Variants in RGS21 observed in about 807,000 individuals in gnomAD.
RGS21 encodes the protein regulator of G protein signaling 21.
Under a neutral mutation model 18.7 loss-of-function variants are expected in RGS21, and 19 were observed. That is an observed-to-expected ratio of 1.01 (90% CI 0.71 to 1.49). The LOEUF (loss-of-function observed/expected upper bound fraction) is 1.49. Ranked by LOEUF, RGS21 falls within the 40% of genes most tolerant of loss-of-function variation. RGS21 has a pLI of 0.00. For missense variants in RGS21, 194 were observed against 176.8 expected (o/e 1.10, Z -0.55); for synonymous variants, 56 against 57.8 (o/e 0.97, Z 0.14).
rs747266559 is a variant in RGS21 at position 192,366,261 on chromosome 1, C to T, written c.*137C>T. 2.9e-5 allele frequency: 18 copies of T among 620,014 alleles called. No homozygotes were observed. The highest frequency in any genetic ancestry group is 4.5e-5 in the Non-Finnish European group (16 of 356,246). 38.4% of individuals were successfully genotyped at this position (620,014 alleles called of 1,614,324 possible). A position where few individuals can be genotyped will look rare whatever the true frequency, so the allele number is the denominator to read the frequency against. ...CCAAACAGATGAATAACGTTTTATA[C>T]AACAAGCCTGAATTTCTAACTCAGT... On this transcript the variant is annotated 3_prime_UTR_variant, in exon 5 of 5. Transcript: ENST00000417209.
chr1:192,363,746 G>T (rs1254170045), intron 4 of RGS21, among the ~76,000 whole-genome samples: 1 of 152,018 alleles, frequency 6.6e-6, no homozygotes, highest in Non-Finnish European at 1.5e-5. Flanking sequence ...AAAATTCCTT[G>T]CTTACACCCT....
At chr1:192,345,102 G>A (rs573926021) in intron 2 of RGS21, among the ~76,000 whole-genome samples, 72 of 152,098 alleles carry the variant, frequency 4.7e-4, no homozygotes, top group African/African-American at 1.6e-3. Context: ...GATACAAATA[G>A]CTATTATTTA....
intron 2 of RGS21, among the ~76,000 whole-genome samples, chr1:192,346,697 A>C (rs530588352): frequency 6.6e-6 from 1 of 152,254 alleles, no homozygotes; most frequent in Non-Finnish European, 1.5e-5. Context: ...GCTTTGGAAA[A>C]GATATTACTC....
At chr1:192,347,993 T>C (rs1298068000) in intron 3 of RGS21, among the ~76,000 whole-genome samples, 1 of 138,990 alleles carries the variant, frequency 7.2e-6, no homozygotes, top group Non-Finnish European at 1.5e-5. Flanking sequence ...TGTGTGTGTA[T>C]ACACACATAC....
At chr1:192,343,954 T>G (rs1360835327) in intron 2 of RGS21, among the ~76,000 whole-genome samples, 4 of 152,196 alleles carry the variant, frequency 2.6e-5, no homozygotes, top group African/African-American at 9.6e-5. Context: ...AACCATCCTC[T>G]TTTTTCTCCA....
chr1:192,342,657 T>C (rs1349288038), intron 1 of RGS21, among the ~76,000 whole-genome samples: 3 of 151,554 alleles, frequency 2.0e-5, no homozygotes, highest in Non-Finnish European at 4.4e-5. Context: ...ATTATAAATA[T>C]GTATATTTAT....
intron 4 of RGS21, among the ~76,000 whole-genome samples, chr1:192,354,922 T>G (rs1225315275): frequency 1.3e-5 from 2 of 151,764 alleles, no homozygotes; most frequent in Non-Finnish European, 3.0e-5. Flanking sequence ...AAATTATCCC[T>G]GACTATAAAT....
intron 4 of RGS21, among the ~76,000 whole-genome samples, chr1:192,354,760 C>A (rs1376727224): frequency 6.6e-6 from 1 of 150,870 alleles, no homozygotes; most frequent in African/African-American, 2.4e-5. Context: ...TAAAGAACAA[C>A]AAGGTCATAT....
chr1:192,352,008 T>C lies in RGS21; in HGVS notation c.89-39T>C, dbSNP rs749779180. 8.6e-6 allele frequency: 11 copies of C among 1,284,852 alleles called. No homozygotes were observed. The South Asian group carries it at 1.2e-4, about 14-fold the overall frequency. 79.6% of individuals were successfully genotyped at this position (1,284,852 alleles called of 1,614,324 possible). On this transcript the variant is annotated intron_variant, in intron 3 of 4. Transcript: ENST00000417209. ...TCATTTTGGTCATATTACTACTCTG[T>C]ATGCTATTATACAAAACTTTTTCTC...
intron 4 of RGS21, among the ~76,000 whole-genome samples, chr1:192,353,446 A>T (rs1359809168): frequency 6.6e-6 from 1 of 151,874 alleles, no homozygotes; most frequent in Non-Finnish European, 1.5e-5. Context: ...TGTTGCATGT[A>T]AGATTTGTAA....
At position 192,347,306 on chromosome 1, in the gene RGS21, A is replaced by G. The variant is rs1658964754; in HGVS notation, c.12-7A>G. 1 of 1,566,848 alleles carries G rather than the reference A, an allele frequency of 6.4e-7. No homozygotes were observed. The highest frequency in any genetic ancestry group is 1.4e-5 in the African/African-American group (1 of 73,992). The stretch of plus-strand genomic sequence containing the variant: ...GAAAAAGATCACAATGCTATTGTCA[A>G]GGTTAGATGCTGTTTCTACAGGTCA... On this transcript the variant is annotated splice_polypyrimidine_tract_variant and splice_region_variant and intron_variant, in intron 2 of 4. Transcript: ENST00000417209.
At chr1:192,349,684 C>G (rs146906056) in intron 3 of RGS21, among the ~76,000 whole-genome samples, 95 of 152,090 alleles carry the variant, frequency 6.2e-4, no homozygotes, top group African/African-American at 2.2e-3. Flanking sequence ...ATAAGTAGCC[C>G]CAGGTTTAGT....
intron 2 of RGS21, 141 bp downstream of exon 2, chr1:192,343,188 C>G (rs758307812): frequency 2.4e-6 from 2 of 835,074 alleles, no homozygotes; most frequent in African/African-American, 3.4e-5. Flanking sequence ...TCTCCTTTCT[C>G]TACTGATTTC....
At chr1:192,355,248 G>A (rs1659095253) in intron 4 of RGS21, among the ~76,000 whole-genome samples, 1 of 151,742 alleles carries the variant, frequency 6.6e-6, no homozygotes, top group Admixed American at 6.6e-5. Flanking sequence ...AAACGAGAAT[G>A]ATACATGAGA....
At chr1:192,333,821 C>G (rs975048996) in intron 1 of RGS21, among the ~76,000 whole-genome samples, 7 of 151,694 alleles carry the variant, frequency 4.6e-5, no homozygotes, top group African/African-American at 1.7e-4. Context: ...ACACATATAC[C>G]CCAGTGTCAA....
rs79459581 is a variant in RGS21 at position 192,317,651 on chromosome 1, A to G, written c.-61+546A>G. 3.1e-4 allele frequency among the ~76,000 whole-genome samples: 47 copies of G among 152,086 alleles called. No homozygotes were observed. The East Asian group carries it at 5.4e-3, about 17-fold the overall frequency. On this transcript the variant is annotated intron_variant, in intron 1 of 4. Transcript: ENST00000417209. ...CATTAAATATAATATTACTATTTTTATGTCTTTACTTATATATGGTTAAAT... is the reference window on the plus strand; with the variant it reads ...CATTAAATATAATATTACTATTTTTGTGTCTTTACTTATATATGGTTAAAT...
chr1:192,327,591 G>C (rs1235387469), intron 1 of RGS21, among the ~76,000 whole-genome samples: 1 of 152,004 alleles, frequency 6.6e-6, no homozygotes, highest in Non-Finnish European at 1.5e-5. Flanking sequence ...TTCTGCCTCA[G>C]CCTCCCGAGT....
intron 1 of RGS21, among the ~76,000 whole-genome samples, chr1:192,332,482 T>G (rs941383434): frequency 2.6e-5 from 4 of 152,186 alleles, no homozygotes; most frequent in Admixed American, 2.6e-4. Flanking sequence ...GAATCATAGA[T>G]TTAAATGTAA....
At position 192,339,084 on chromosome 1, in the gene RGS21, A is replaced by G. The variant is rs1658813418; in HGVS notation, c.-60-3893A>G. 5.3e-5 allele frequency among the ~76,000 whole-genome samples: 8 copies of G among 152,094 alleles called. No homozygotes were observed. In the South Asian group the frequency reaches 1.7e-3, roughly 32 times the overall value. On this transcript the variant is annotated intron_variant, in intron 1 of 4. Coordinates refer to ENST00000417209, the MANE Select transcript of RGS21 (RefSeq NM_001039152.3). ...ATAACCAAGGAGATAATGCTCAGAAAGTTTCTGACACGTATTTCTGAAGTA... is the reference window on the plus strand; with the variant it reads ...ATAACCAAGGAGATAATGCTCAGAAGGTTTCTGACACGTATTTCTGAAGTA...
Sources: gnomAD v4.1 joint callset for allele counts (sites outside exome capture counted in the v4.1 genomes callset) on GRCh38, gnomAD v4.1.1 for gene constraint, MANE v1.5 for transcripts, NCBI Gene and HGNC (gene_info 2026-07-23, HGNC 2026-07-21) for gene names.